The following EFHD1 variants were observed in gnomAD, a reference collection of about 807,000 sequenced individuals.
EFHD1 encodes the protein EF-hand domain-containing protein D1.
EFHD1 carries 10 observed loss-of-function variants against 17.2 expected under a neutral mutation model. That is an observed-to-expected ratio of 0.58 (90% CI 0.36 to 0.99). The LOEUF (loss-of-function observed/expected upper bound fraction) is 0.99. Among genes scored for constraint, EFHD1 ranks in the 50% least tolerant of loss-of-function variants. The probability of loss-of-function intolerance (pLI) is 0.01; values close to 1 mark genes in which losing one functional copy is unlikely to be tolerated. For synonymous variants in EFHD1, 153 were observed against 142.0 expected, an observed-to-expected ratio of 1.08 and a Z score of -0.55; for missense variants, 310 against 327.5, an observed-to-expected ratio of 0.95 and a Z score of 0.41.
At chr2:232,666,996 C>T (rs1053516874) in intron 2 of EFHD1, among the ~76,000 whole-genome samples, 3 of 152,174 alleles carry the variant, frequency 2.0e-5, no homozygotes, top group East Asian at 1.9e-4. Context: ...TAGCTTTCCC[C>T]GCTATTGTGA....
chr2:232,644,586 C>T (rs1228461675), intron 1 of EFHD1, among the ~76,000 whole-genome samples: 1 of 151,566 alleles, frequency 6.6e-6, no homozygotes, highest in Admixed American at 6.6e-5. Context: ...GATCTCGGCT[C>T]ACTGCAACCT....
upstream of EFHD1, among the ~76,000 whole-genome samples, chr2:232,632,092 A>G (rs937411016): frequency 4.6e-5 from 7 of 152,204 alleles, no homozygotes; most frequent in Middle Eastern, 3.2e-3. Context: ...TGTGTCACAT[A>G]AAGTGGTCAA....
At chr2:232,678,119 T>C (rs1695210366) in intron 3 of EFHD1, among the ~76,000 whole-genome samples, 1 of 150,832 alleles carries the variant, frequency 6.6e-6, no homozygotes, top group Non-Finnish European at 1.5e-5. Context: ...CCTGTCTCAC[T>C]AAAAAAAACA....
chr2:232,682,491 C>T lies in EFHD1; in HGVS notation c.*772C>T, dbSNP rs1278154864. ...GTAAAAGGGTTCCTGTTCACTCTGA[C>T]TCTGTGCAAATTGTATTACAGTAGA... is the stretch of plus-strand genomic sequence containing the variant. On this transcript the variant is annotated 3_prime_UTR_variant, in exon 4 of 4. Transcript: ENST00000264059. The T allele has an allele frequency of 6.6e-6, 1 of 152,262 alleles. No individual in the cohort carries two copies. Among genetic ancestry groups the T allele is most frequent in the Non-Finnish European group, 1.5e-5 (1 of 68,052 alleles). 9.4% of individuals were successfully genotyped at this position (152,262 alleles called of 1,614,324 possible). A position where few individuals can be genotyped will look rare whatever the true frequency, so the allele number is the denominator to read the frequency against.
intron 1 of EFHD1, among the ~76,000 whole-genome samples, chr2:232,635,332 T>C (rs1202403450): frequency 6.6e-6 from 1 of 152,212 alleles, no homozygotes; most frequent in Non-Finnish European, 1.5e-5. Flanking sequence ...TCAGGGGATC[T>C]TGGGGAGGGA....
intron 2 of EFHD1, 111 bp downstream of exon 2, chr2:232,663,060 G>T: frequency 8.1e-7 from 1 of 1,233,326 alleles, no homozygotes; most frequent in South Asian, 2.1e-5. Flanking sequence ...CGCTGTTTGC[G>T]TATCTAACCT....
chr2:232,614,927 G>A (rs1282356155), intron 1 of EFHD1, among the ~76,000 whole-genome samples: 11 of 152,098 alleles, frequency 7.2e-5, no homozygotes, highest in Admixed American at 7.2e-4. Flanking sequence ...TGTGAGCCGG[G>A]ATTGCGCCAC....
chr2:232,641,040 G>GTAT (rs947314581), intron 1 of EFHD1, among the ~76,000 whole-genome samples: 29 of 152,086 alleles, frequency 1.9e-4, no homozygotes, highest in African/African-American at 6.8e-4. Context: ...GTGGGAGTTA[G>GTAT]TATTATTATT....
At chr2:232,677,294 C>T (rs1338278114) in intron 3 of EFHD1, among the ~76,000 whole-genome samples, 1 of 147,136 alleles carries the variant, frequency 6.8e-6, no homozygotes, top group Non-Finnish European at 1.5e-5. Context: ...CACACACACA[C>T]GTACACACAC....
upstream of EFHD1, among the ~76,000 whole-genome samples, chr2:232,628,612 G>A (rs542473922): frequency 7.9e-5 from 12 of 152,132 alleles, no homozygotes; most frequent in East Asian, 1.2e-3. Flanking sequence ...CTGACCTATC[G>A]GGGCTGAAAG....
chr2:232,633,634 AGCGCGCCGCCCGCCAGCTCCCT>A lies in EFHD1; in HGVS notation c.-67_-46del, dbSNP rs1694245572. The A allele has an allele frequency of 8.1e-6, 11 of 1,356,158 alleles. No homozygotes were observed. The highest frequency in any genetic ancestry group is 1.0e-5 in the Non-Finnish European group (11 of 1,063,692). The allele number at this position is 1,356,158 out of a possible 1,614,324, so 84.0% of individuals were successfully genotyped here. On this transcript the variant is annotated 5_prime_UTR_variant, in exon 1 of 4. Transcript: ENST00000264059. ...GTTGTAGAGCCTCGAGCCTGCGAGG[AGCGCGCCGCCCGCCAGCTCCCT>A]GCGTCCCGTCCCGCGTCCCCGCGTT... is the stretch of plus-strand genomic sequence containing the variant.
intron 1 of EFHD1, among the ~76,000 whole-genome samples, chr2:232,623,099 T>G (rs967460092): frequency 6.6e-6 from 1 of 152,114 alleles, no homozygotes; most frequent in African/African-American, 2.4e-5. Flanking sequence ...CAGGCTGGAG[T>G]GCAAAGGCAC....
chr2:232,640,465 T>A (rs1416243671), intron 1 of EFHD1, among the ~76,000 whole-genome samples: 2 of 152,182 alleles, frequency 1.3e-5, no homozygotes, highest in Non-Finnish European at 2.9e-5. Context: ...ATCATGATGA[T>A]GATGACGATG....
rs1390171435 is a variant in EFHD1, at chr2:232,672,238, T to C, written c.451-71T>C. The C allele has an allele frequency of 9.4e-6, 15 of 1,601,306 alleles. No homozygotes were observed. In the East Asian group the frequency reaches 1.3e-4, roughly 14 times the overall value. On this transcript the variant is annotated intron_variant, in intron 2 of 3. Coordinates refer to ENST00000264059, the MANE Select transcript of EFHD1 (RefSeq NM_025202.4). The stretch of plus-strand genomic sequence containing the variant: ...AAGTGATTGGCAGAGTGACTTCAGC[T>C]TGGACCAGAGGGCTGGTTATGAATC...
At chr2:232,660,305 C>T (rs973187753) in intron 1 of EFHD1, among the ~76,000 whole-genome samples, 1 of 152,088 alleles carries the variant, frequency 6.6e-6, no homozygotes, top group African/African-American at 2.4e-5. Context: ...TGCCATTCTC[C>T]TGCCTCAGCC....
chr2:232,643,962 T>A (rs946000989), intron 1 of EFHD1, among the ~76,000 whole-genome samples: 1 of 152,222 alleles, frequency 6.6e-6, no homozygotes, highest in African/African-American at 2.4e-5. Flanking sequence ...CATAGGTCTT[T>A]CCTGTGGAAC....
intron 1 of EFHD1, among the ~76,000 whole-genome samples, chr2:232,628,027 C>A (rs1289210043): frequency 6.6e-6 from 1 of 152,062 alleles, no homozygotes; most frequent in Non-Finnish European, 1.5e-5. Context: ...GACTCTGCAC[C>A]AAAATGAAGT....
At chr2:232,659,830 G>C (rs1033037254) in intron 1 of EFHD1, among the ~76,000 whole-genome samples, 2 of 152,172 alleles carry the variant, frequency 1.3e-5, no homozygotes, top group African/African-American at 4.8e-5. Flanking sequence ...TTGGCTTCTG[G>C]GGAGGCCTCA....
intron 1 of EFHD1, among the ~76,000 whole-genome samples, chr2:232,639,836 T>C (rs1445992146): frequency 6.6e-6 from 1 of 152,198 alleles, no homozygotes; most frequent in African/African-American, 2.4e-5. Flanking sequence ...AGCTTTAGAC[T>C]TCACAAATCT....
Sources: gnomAD v4.1 joint callset for allele counts (sites outside exome capture counted in the v4.1 genomes callset) on GRCh38, gnomAD v4.1.1 for gene constraint, MANE v1.5 for transcripts, NCBI Gene and HGNC (gene_info 2026-07-23, HGNC 2026-07-21) for gene names.